The following SAE1 variants were observed in gnomAD, a reference collection of about 807,000 sequenced individuals.
SAE1 encodes SUMO1 activating enzyme subunit 1, also known as SUMO-activating enzyme subunit 1.
In SAE1, 11 loss-of-function variants were observed where a neutral mutation model predicts 40.6. The ratio of observed to expected loss-of-function variants is 0.27; its 90% CI spans 0.17 to 0.45. The LOEUF (loss-of-function observed/expected upper bound fraction) is 0.45, where lower values mean the gene tolerates loss of function less well. SAE1 is among the 20% of genes least tolerant of loss of function. The probability of loss-of-function intolerance (pLI) is 1.00; values close to 1 mark genes in which losing one functional copy is unlikely to be tolerated. For missense variants in SAE1, 373 were observed against 427.3 expected (o/e 0.87, Z 1.12); for synonymous variants, 155 against 154.3 (o/e 1.00, Z -0.03).
At chr19:47,143,076 G>A (rs1411311901) in intron 1 of SAE1, among the ~76,000 whole-genome samples, 3 of 152,072 alleles carry the variant, frequency 2.0e-5, no homozygotes, top group African/African-American at 4.8e-5. Context: ...TAGATTCGAG[G>A]TGTGATGCCT....
intron 6 of SAE1, among the ~76,000 whole-genome samples, chr19:47,175,692 G>A (rs538437229): frequency 6.6e-6 from 1 of 152,274 alleles, no homozygotes; most frequent in East Asian, 1.9e-4. Flanking sequence ...AGCCGAGATC[G>A]TGCCACTGCA....
intron 7 of SAE1, among the ~76,000 whole-genome samples, chr19:47,201,020 G>A (rs1164057834): frequency 1.3e-5 from 2 of 151,758 alleles, no homozygotes; most frequent in African/African-American, 4.8e-5. Context: ...ACCATGCCCA[G>A]CTATTTTTTT....
intron 6 of SAE1, among the ~76,000 whole-genome samples, chr19:47,183,633 C>T (rs984861818): frequency 1.3e-5 from 2 of 152,158 alleles, no homozygotes; most frequent in African/African-American, 2.4e-5. Context: ...GCCCACATCT[C>T]CCCCACTCCC....
intron 5 of SAE1, among the ~76,000 whole-genome samples, chr19:47,156,953 A>G (rs1003666106): frequency 6.6e-6 from 1 of 152,186 alleles, no homozygotes; most frequent in East Asian, 1.9e-4. Context: ...GAGGAAAGAC[A>G]TGACCAAGCC....
intron 1 of SAE1, among the ~76,000 whole-genome samples, chr19:47,141,714 A>G (rs1303796024): frequency 6.6e-6 from 1 of 152,150 alleles, no homozygotes; most frequent in East Asian, 1.9e-4. Context: ...GTTGTGATTA[A>G]ATTTTATTTA....
chr19:47,177,313 T>C (rs2058475408), intron 6 of SAE1, among the ~76,000 whole-genome samples: 1 of 152,232 alleles, frequency 6.6e-6, no homozygotes, highest in Non-Finnish European at 1.5e-5. Context: ...AGGACAGCTA[T>C]AACAGAGGGC....
intron 7 of SAE1, 101 bp downstream of exon 7, chr19:47,197,478 A>G (rs1335709941): frequency 1.0e-6 from 1 of 1,002,008 alleles, no homozygotes; most frequent in Non-Finnish European, 1.5e-6. Context: ...CCCTTCAGAG[A>G]GCACCCTGCC....
chr19:47,177,960 TGG>T (rs2058480925), intron 6 of SAE1, among the ~76,000 whole-genome samples: 1 of 152,056 alleles, frequency 6.6e-6, no homozygotes, highest in African/African-American at 2.4e-5. Context: ...TATCAGAATC[TGG>T]CCAGGCGCGG....
chr19:47,133,356 GCTGGGAC>G (rs1321901259), intron 1 of SAE1, among the ~76,000 whole-genome samples: 1 of 152,202 alleles, frequency 6.6e-6, no homozygotes, highest in Non-Finnish European at 1.5e-5. Flanking sequence ...TTCCTGAGTA[GCTGGGAC>G]TATCGGCATG....
At chr19:47,163,846 C>T (rs540898302) in intron 5 of SAE1, among the ~76,000 whole-genome samples, 15 of 152,054 alleles carry the variant, frequency 9.9e-5, no homozygotes, top group Non-Finnish European at 2.1e-4. Flanking sequence ...AGCGCAGTGG[C>T]GTGATCTCCG....
chr19:47,137,366 T>A (rs1347853981), intron 1 of SAE1, among the ~76,000 whole-genome samples: 5 of 152,116 alleles, frequency 3.3e-5, no homozygotes, highest in African/African-American at 1.2e-4. Context: ...CCAGCCTGGG[T>A]GACAAGAGCG....
Position 47,130,898 on chromosome 19 carries a change from G to A in SAE1, c.-33G>A. On this transcript the variant is annotated 5_prime_UTR_variant, in exon 1 of 9. Transcript: ENST00000270225. ...GGTCCGGCGGGCGGTTGGCTTGAGC[G>A]GGACCGGAGCTGAGGCAGGAAGAGC... 6.5e-7 allele frequency: 1 copy of A among 1,548,100 alleles called. No individual in the cohort carries two copies. Among genetic ancestry groups the A allele is most frequent in the Non-Finnish European group, 8.7e-7 (1 of 1,146,206 alleles).
At chr19:47,171,726 A>C (rs1480916667) in intron 6 of SAE1, among the ~76,000 whole-genome samples, 1 of 151,672 alleles carries the variant, frequency 6.6e-6, no homozygotes, top group Non-Finnish European at 1.5e-5. Context: ...AGTCTCCCAA[A>C]GTGTTGGGAT....
intron 6 of SAE1, among the ~76,000 whole-genome samples, chr19:47,194,010 G>C (rs2058597580): frequency 6.6e-6 from 1 of 151,732 alleles, no homozygotes; most frequent in African/African-American, 2.4e-5. Context: ...TTTTACCTGG[G>C]CATCTGTGGT....
chr19:47,204,057 T>C (rs893970731), intron 8 of SAE1, among the ~76,000 whole-genome samples: 3 of 152,112 alleles, frequency 2.0e-5, no homozygotes, highest in Non-Finnish European at 4.4e-5. Context: ...CTCATAGCTC[T>C]ATAAGTGAGT....
rs1185304436 is a variant in SAE1, at chr19:47,148,052, G to A, written c.211-2150G>A. Among the ~76,000 whole-genome samples the A allele has an allele frequency of 5.9e-5, 9 of 152,098 alleles. No homozygotes were observed. The South Asian group carries it at 1.0e-3, about 18-fold the overall frequency. ...TGGGATTACAGGCGTGAGCCACCACGCGTGGCCCTCAACTGTACGTTTTTA... is the reference window on the plus strand; with the variant it reads ...TGGGATTACAGGCGTGAGCCACCACACGTGGCCCTCAACTGTACGTTTTTA... On this transcript the variant is annotated intron_variant, in intron 2 of 8. Coordinates refer to ENST00000270225, the MANE Select transcript of SAE1 (RefSeq NM_005500.3).
At chr19:47,133,792 T>C (rs1420162494) in intron 1 of SAE1, among the ~76,000 whole-genome samples, 4 of 152,050 alleles carry the variant, frequency 2.6e-5, no homozygotes, top group African/African-American at 7.2e-5. Context: ...TTGAAAGATA[T>C]GGAGAGCTGT....
rs138256416 is a variant in SAE1 at position 47,173,974 on chromosome 19, C to T, written c.733+4051C>T. On this transcript the variant is annotated intron_variant, in intron 6 of 8. Coordinates refer to ENST00000270225, the MANE Select transcript of SAE1 (RefSeq NM_005500.3). Reference sequence around the variant, plus strand: ...TAATTTTTTGTATTTTTAGTAGAGACGGGGTTTCACCGCGTTAGCCAGGAT... The same window carrying T: ...TAATTTTTTGTATTTTTAGTAGAGATGGGGTTTCACCGCGTTAGCCAGGAT... Among the ~76,000 whole-genome samples, 1,100 of 151,840 alleles carry T rather than the reference C, an allele frequency of 7.2e-3. 12 individuals carry two copies. The highest frequency in any genetic ancestry group is 0.025 in the African/African-American group (1,049 of 41,430).
intron 6 of SAE1, among the ~76,000 whole-genome samples, chr19:47,182,464 A>AGT (rs113149127): frequency 0.19 from 27,549 of 144,186 alleles, 2,804 homozygotes; most frequent in Non-Finnish European, 0.26. Flanking sequence ...AAAAAAGCGT[A>AGT]GTGTGTGTGT....
Sources: gnomAD v4.1 joint callset for allele counts (sites outside exome capture counted in the v4.1 genomes callset) on GRCh38, gnomAD v4.1.1 for gene constraint, MANE v1.5 for transcripts, NCBI Gene and HGNC (gene_info 2026-07-23, HGNC 2026-07-21) for gene names.